The following DENND2B variants were observed in gnomAD, a reference collection of about 807,000 sequenced individuals.
DENND2B encodes the protein DENN domain-containing protein 2B.
DENND2B carries 32 observed loss-of-function variants against 116.0 expected under a neutral mutation model. The observed-to-expected ratio is 0.28, with a 90% confidence interval of 0.21 to 0.37. The LOEUF (loss-of-function observed/expected upper bound fraction) is 0.37, where lower values mean the gene tolerates loss of function less well. Ranked by LOEUF, DENND2B falls within the 10% of genes least tolerant of loss-of-function variation. The pLI, the probability that DENND2B is intolerant of heterozygous loss-of-function variation, is 1.00. For missense variants in DENND2B, 1,276 were observed against 1,477.7 expected, an observed-to-expected ratio of 0.86 and a Z score of 2.24; for synonymous variants, 588 against 583.9, an observed-to-expected ratio of 1.01 and a Z score of -0.10.
At chr11:8,838,564 T>C (rs1038255010) in intron 4 of DENND2B, among the ~76,000 whole-genome samples, 1 of 152,184 alleles carries the variant, frequency 6.6e-6, no homozygotes, top group Non-Finnish European at 1.5e-5. Flanking sequence ...CTGTGACCTA[T>C]GCCAGAGAGG....
Position 8,714,141 on chromosome 11 carries a change from A to G in DENND2B, c.1943-99T>C, listed in dbSNP as rs2044290915. On this transcript the variant is annotated intron_variant, in intron 7 of 19. Transcript: ENST00000313726. The stretch of plus-strand genomic sequence containing the variant: ...CTTTTCTCACAGGGGATGGATCTCT[A>G]CCTTCTCTGGGCTACTCTGGGCCCA... The G allele has an allele frequency of 1.4e-5, 17 of 1,245,796 alleles. No homozygotes were observed. In the Admixed American group the frequency reaches 2.6e-4, roughly 19 times the overall value. 77.2% of individuals were successfully genotyped at this position (1,245,796 alleles called of 1,614,324 possible).
intron 2 of DENND2B, 33 bp downstream of exon 2, chr11:8,750,588 G>A: frequency 1.9e-6 from 3 of 1,590,618 alleles, no homozygotes; most frequent in Non-Finnish European, 2.6e-6. Flanking sequence ...TAGGTCCCTT[G>A]ATGCCACCTC....
intron 4 of DENND2B, among the ~76,000 whole-genome samples, chr11:8,833,862 G>C (rs192723721): frequency 9.2e-5 from 14 of 152,314 alleles, no homozygotes; most frequent in Admixed American, 8.5e-4. Flanking sequence ...ATAAGGGTCT[G>C]CAGCTGGTTA....
intron 1 of DENND2B, among the ~76,000 whole-genome samples, chr11:8,795,089 GA>G (rs1330831438): frequency 6.6e-6 from 1 of 152,210 alleles, no homozygotes; most frequent in African/African-American, 2.4e-5. Context: ...CAATCCTAAT[GA>G]AATCAAGTGC....
At chr11:8,832,011 C>T (rs917475695) in intron 4 of DENND2B, 2 of 152,152 alleles carry the variant, frequency 1.3e-5, no homozygotes, top group Admixed American at 1.3e-4. Flanking sequence ...CTCTAAGCTC[C>T]TTCCTCACAA....
chr11:8,842,290 G>A (rs140515816), intron 3 of DENND2B, among the ~76,000 whole-genome samples: 167 of 152,244 alleles, frequency 1.1e-3, no homozygotes, highest in African/African-American at 3.5e-3. Flanking sequence ...AATCAAAGTC[G>A]TGCAGTGTCC....
chr11:8,802,800 A>T (rs1052263920), intron 1 of DENND2B, among the ~76,000 whole-genome samples: 39 of 152,184 alleles, frequency 2.6e-4, no homozygotes, highest in African/African-American at 9.4e-4. Flanking sequence ...TGTTAACCAA[A>T]ATTTTCCCAG....
chr11:8,728,139 G>A (rs1174418649), intron 3 of DENND2B, among the ~76,000 whole-genome samples: 1 of 152,012 alleles, frequency 6.6e-6, no homozygotes, highest in Non-Finnish European at 1.5e-5. Flanking sequence ...AAGTAGCTGA[G>A]ACTGCAGGCA....
rs1233115517 is a variant in DENND2B, at chr11:8,731,024, G to A, written c.266C>T (p.Pro89Leu). The change falls in exon 3 of 20, where the codon CCA becomes CTA. Residue 89 changes from proline to leucine, a missense_variant. Around this residue, in one of 2 missense-constraint regions of DENND2B, gnomAD observed 856 missense variants for 846.6 expected, o/e 1.01. Coordinates refer to ENST00000313726, the MANE Select transcript of DENND2B (RefSeq NM_213618.2). ...GGCGGTCTTGAAGGGACAGGTGGGT[G>A]GGGAAGTATCTGGGGAGGGATCTTG... ...NPQDPSPDTS[P>L]PTCPFKTASF... is the part of the protein sequence containing the mutation. The A allele has an allele frequency of 6.2e-7, 1 of 1,614,178 alleles. No individual in the cohort carries two copies. Among genetic ancestry groups the A allele is most frequent in the Non-Finnish European group, 8.5e-7 (1 of 1,180,040 alleles).
At chr11:8,834,543 C>T (rs1008902645) in intron 4 of DENND2B, among the ~76,000 whole-genome samples, 1 of 152,146 alleles carries the variant, frequency 6.6e-6, no homozygotes, top group Admixed American at 6.5e-5. Flanking sequence ...ACACACAGTG[C>T]GAAAAAGAAA....
intron 1 of DENND2B, among the ~76,000 whole-genome samples, chr11:8,751,405 T>C (rs1011313818): frequency 2.0e-5 from 3 of 152,172 alleles, no homozygotes; most frequent in African/African-American, 7.2e-5. Context: ...AAGCCAGCAG[T>C]GGCAACCCAC....
At chr11:8,739,864 G>A (rs1171014177) in intron 2 of DENND2B, among the ~76,000 whole-genome samples, 3 of 152,194 alleles carry the variant, frequency 2.0e-5, no homozygotes, top group Admixed American at 2.0e-4. Context: ...TATGAGCTAA[G>A]GTATGGAAAG....
chr11:8,894,407 T>C (rs1165208377), intron 1 of DENND2B, among the ~76,000 whole-genome samples: 2 of 152,024 alleles, frequency 1.3e-5, no homozygotes, highest in Admixed American at 1.3e-4. Flanking sequence ...TGGGATCTAA[T>C]TAAACTAAAG....
intron 1 of DENND2B, among the ~76,000 whole-genome samples, chr11:8,750,934 T>C (rs2052306414): frequency 6.6e-6 from 1 of 152,162 alleles, no homozygotes; most frequent in Non-Finnish European, 1.5e-5. Flanking sequence ...GTGAGCTAAT[T>C]TGATTGTGAG....
chr11:8,903,558 A>G (rs2064197781), intron 1 of DENND2B, among the ~76,000 whole-genome samples: 1 of 152,158 alleles, frequency 6.6e-6, no homozygotes, highest in East Asian at 1.9e-4. Flanking sequence ...TTGTGAGGGA[A>G]TATTACCAAT....
chr11:8,844,168 G>A (rs1391096859), intron 3 of DENND2B, among the ~76,000 whole-genome samples: 2 of 152,180 alleles, frequency 1.3e-5, no homozygotes, highest in African/African-American at 4.8e-5. Flanking sequence ...AGGAGGCTGA[G>A]GTGGGAGAAT....
At position 8,857,083 on chromosome 11, in the gene DENND2B, A is replaced by G. The variant is rs141876101; in HGVS notation, c.-156+260T>C. Among the ~76,000 whole-genome samples, 277 of 152,280 alleles carry G rather than the reference A, an allele frequency of 1.8e-3. 1 individual carries two copies. The highest frequency in any genetic ancestry group is 6.3e-3 in the African/African-American group (262 of 41,566). ...ACTATTTTCACATCAGTATAATGTT[A>G]TCTTGTATCCCTCCTGTCCTAACCT... On this transcript the variant is annotated intron_variant, in intron 3 of 6. Transcript: ENST00000524757.
upstream of DENND2B, among the ~76,000 whole-genome samples, chr11:8,873,998 A>C (rs952158470): frequency 4.6e-5 from 7 of 152,166 alleles, no homozygotes; most frequent in African/African-American, 1.7e-4. Flanking sequence ...AATTTGGTAA[A>C]TTTACTGCCT....
chr11:8,765,433 C>T (rs754910571), intron 1 of DENND2B, among the ~76,000 whole-genome samples: 1 of 152,192 alleles, frequency 6.6e-6, no homozygotes, highest in African/African-American at 2.4e-5. Context: ...TTGTTGAACA[C>T]CCCATGAGTT....
Sources: allele counts gnomAD v4.1 joint callset (sites outside exome capture counted in the v4.1 genomes callset), GRCh38; gene constraint gnomAD v4.1.1; regional missense constraint gnomAD v4.1.1; transcripts MANE v1.5; gene names NCBI Gene and HGNC (gene_info 2026-07-23, HGNC 2026-07-21).